The following GPC6 variants were observed in gnomAD, a reference collection of about 807,000 sequenced individuals.
GPC6 encodes glypican 6.
Under a neutral mutation model 55.2 loss-of-function variants are expected in GPC6, and 14 were observed. The ratio of observed to expected loss-of-function variants is 0.25; its 90% CI spans 0.17 to 0.40. The LOEUF (loss-of-function observed/expected upper bound fraction) is 0.40. GPC6 is among the 10% of genes least tolerant of loss of function. The pLI, the probability that GPC6 is intolerant of heterozygous loss-of-function variation, is 1.00. For synonymous variants in GPC6, 278 were observed against 259.6 expected (o/e 1.07, Z -0.68); for missense variants, 641 against 708.5 (o/e 0.90, Z 1.08).
At position 94,403,367 on chromosome 13, in the gene GPC6, GT is replaced by G; in HGVS notation, c.*154del. ...AGTAATGCAATCTGCCTCCCTTTTT[GT>G]TTTCCCAAAGAGTACCGGGTGCCAG... On this transcript the variant is annotated 3_prime_UTR_variant, in exon 9 of 9. Transcript: ENST00000377047. 1.4e-6 allele frequency: 1 copy of G among 708,642 alleles called. No individual in the cohort carries two copies. The highest frequency in any genetic ancestry group is 2.7e-5 in the East Asian group (1 of 36,936). 43.9% of individuals were successfully genotyped at this position (708,642 alleles called of 1,614,324 possible). A position where few individuals can be genotyped will look rare whatever the true frequency, so the allele number is the denominator to read the frequency against.
chr13:93,571,853 G>A (rs9524132), intron 2 of GPC6, among the ~76,000 whole-genome samples: 137,910 of 152,216 alleles, frequency 0.91, 62,695 homozygotes, highest in African/African-American at 0.98. Flanking sequence ...GAGCACAATG[G>A]TCCATTTTAT....
chr13:94,368,362 A>G (rs1879379355), intron 6 of GPC6, among the ~76,000 whole-genome samples: 1 of 152,182 alleles, frequency 6.6e-6, no homozygotes, highest in Non-Finnish European at 1.5e-5. Context: ...TGCATTCAAC[A>G]GAACCCTGCT....
intron 6 of GPC6, among the ~76,000 whole-genome samples, chr13:94,354,947 A>C (rs1409311200): frequency 1.3e-5 from 2 of 152,174 alleles, no homozygotes; most frequent in African/African-American, 4.8e-5. Context: ...GTTCAAATCC[A>C]TATATTTCTA....
At chr13:94,078,677 C>T (rs937613823) in intron 4 of GPC6, among the ~76,000 whole-genome samples, 4 of 151,794 alleles carry the variant, frequency 2.6e-5, no homozygotes, top group African/African-American at 9.7e-5. Context: ...TACATACAAC[C>T]TACCGACACT....
At chr13:94,207,015 G>A (rs895558616) in intron 4 of GPC6, among the ~76,000 whole-genome samples, 1 of 152,086 alleles carries the variant, frequency 6.6e-6, no homozygotes, top group Non-Finnish European at 1.5e-5. Context: ...CCAAGTAACA[G>A]ATGACTAGAG....
chr13:93,368,681 C>T (rs961842223), intron 1 of GPC6, among the ~76,000 whole-genome samples: 1 of 151,968 alleles, frequency 6.6e-6, no homozygotes, highest in African/African-American at 2.4e-5. Context: ...TGGTAGTATA[C>T]TTCTTAATTC....
At chr13:93,309,444 T>C (rs1389909104) in intron 1 of GPC6, among the ~76,000 whole-genome samples, 1 of 152,126 alleles carries the variant, frequency 6.6e-6, no homozygotes, top group Non-Finnish European at 1.5e-5. Flanking sequence ...TTATATATTC[T>C]GTATTATTTT....
At chr13:93,772,077 C>T (rs910126100) in intron 2 of GPC6, among the ~76,000 whole-genome samples, 1 of 152,122 alleles carries the variant, frequency 6.6e-6, no homozygotes, top group East Asian at 1.9e-4. Flanking sequence ...GGCCCATAGC[C>T]CTTAATGCAT....
At chr13:93,845,976 AG>A (rs1023802850) in intron 3 of GPC6, among the ~76,000 whole-genome samples, 19 of 152,102 alleles carry the variant, frequency 1.2e-4, no homozygotes, top group African/African-American at 4.3e-4. Flanking sequence ...TAAAACTTAA[AG>A]TATAATAAAA....
At chr13:93,440,444 G>T (rs1364983956) in intron 1 of GPC6, among the ~76,000 whole-genome samples, 1 of 152,064 alleles carries the variant, frequency 6.6e-6, no homozygotes, top group Non-Finnish European at 1.5e-5. Flanking sequence ...CAGTTTTCTT[G>T]CAGGAAAAGC....
chr13:93,341,217 T>C (rs1880244825), intron 1 of GPC6, among the ~76,000 whole-genome samples: 2 of 152,216 alleles, frequency 1.3e-5, no homozygotes, highest in Non-Finnish European at 1.5e-5. Context: ...TAAACATATG[T>C]GTGCATGTGT....
At chr13:93,440,278 A>G (rs763568865) in intron 1 of GPC6, among the ~76,000 whole-genome samples, 1 of 152,192 alleles carries the variant, frequency 6.6e-6, no homozygotes, top group Non-Finnish European at 1.5e-5. Flanking sequence ...AAGTTGGGCA[A>G]TTACAGGCGA....
chr13:94,207,986 AC>A (rs1323825466), intron 4 of GPC6, among the ~76,000 whole-genome samples: 1 of 152,168 alleles, frequency 6.6e-6, no homozygotes, highest in Non-Finnish European at 1.5e-5. Flanking sequence ...CACCTCTGAG[AC>A]CCAAAGTGTT....
chr13:93,559,816 A>G (rs1875669537), intron 2 of GPC6, among the ~76,000 whole-genome samples: 1 of 152,202 alleles, frequency 6.6e-6, no homozygotes, highest in Non-Finnish European at 1.5e-5. Flanking sequence ...TACCCTTGGC[A>G]TGATGCCACG....
intron 3 of GPC6, among the ~76,000 whole-genome samples, chr13:93,985,689 CAAAAAAAAAAAAAAAA>C (rs34003218): frequency 1.4e-5 from 1 of 69,402 alleles, no homozygotes; most frequent in Non-Finnish European, 2.5e-5. Flanking sequence ...AAGACCTGGC[CAAAAAAAAAAAAAAAA>C]AAAAAAAATT....
intron 1 of GPC6, among the ~76,000 whole-genome samples, chr13:93,301,240 A>T (rs1469549010): frequency 6.6e-6 from 1 of 152,202 alleles, no homozygotes; most frequent in Non-Finnish European, 1.5e-5. Context: ...TGGAGTCTGA[A>T]ATCTCGTGCT....
intron 3 of GPC6, among the ~76,000 whole-genome samples, chr13:93,912,400 A>C (rs1348489040): frequency 6.6e-6 from 1 of 152,100 alleles, no homozygotes; most frequent in Non-Finnish European, 1.5e-5. Context: ...AGGGTGTATT[A>C]ATTTCCTACA....
At chr13:93,888,368 C>T (rs1201235271) in intron 3 of GPC6, among the ~76,000 whole-genome samples, 2 of 152,112 alleles carry the variant, frequency 1.3e-5, no homozygotes, top group African/African-American at 2.4e-5. Context: ...TGATGGTCAT[C>T]GTTCATTCCT....
Position 93,523,595 on chromosome 13 carries a change from C to T in GPC6, c.161-21668C>T, listed in dbSNP as rs372934045. ...TTGCTGCAATATGTCATCTTCCTCA[C>T]AGTGCTGTGATTATGGGTATTTTGT... On this transcript the variant is annotated intron_variant, in intron 1 of 8. Coordinates refer to ENST00000377047, the MANE Select transcript of GPC6 (RefSeq NM_005708.5). Among the ~76,000 whole-genome samples the T allele has an allele frequency of 2.6e-3, 393 of 152,044 alleles. 1 individual carries two copies. The highest frequency in any genetic ancestry group is 4.3e-3 in the Non-Finnish European group (289 of 67,924).
Sources: gnomAD v4.1 joint callset for allele counts (sites outside exome capture counted in the v4.1 genomes callset) on GRCh38, gnomAD v4.1.1 for gene constraint, MANE v1.5 for transcripts, NCBI Gene and HGNC (gene_info 2026-07-23, HGNC 2026-07-21) for gene names.